The following NAALADL2 variants were observed in gnomAD, a reference collection of about 807,000 sequenced individuals.
NAALADL2 encodes the protein N-acetylated alpha-linked acidic dipeptidase like 2.
Under a neutral mutation model 87.2 loss-of-function variants are expected in NAALADL2, and 76 were observed. The ratio of observed to expected loss-of-function variants is 0.87; its 90% confidence interval spans 0.72 to 1.05. NAALADL2 has a LOEUF of 1.05. Ranked by LOEUF, NAALADL2 falls within the 50% of genes least tolerant of loss-of-function variation. NAALADL2 has a pLI of 0.00. For synonymous variants in NAALADL2, 354 were observed against 331.0 expected (o/e 1.07, Z -0.75); for missense variants, 1,089 against 945.8 (o/e 1.15, Z -1.99).
At chr3:174,453,435 C>A (rs1715619210) in intron 1 of NAALADL2, among the ~76,000 whole-genome samples, 1 of 152,106 alleles carries the variant, frequency 6.6e-6, no homozygotes, top group Non-Finnish European at 1.5e-5. Context: ...TAAAATACTT[C>A]ACAAGAAGAT....
At chr3:174,831,944 C>T (rs911172127) in intron 3 of NAALADL2, among the ~76,000 whole-genome samples, 7 of 151,456 alleles carry the variant, frequency 4.6e-5, no homozygotes, top group South Asian at 4.2e-4. Context: ...TCTGTGGGAT[C>T]GGTGGTGATA....
At chr3:175,441,698 C>G (rs1334311151) in intron 5 of NAALADL2, among the ~76,000 whole-genome samples, 2 of 151,908 alleles carry the variant, frequency 1.3e-5, no homozygotes, top group Non-Finnish European at 2.9e-5. Flanking sequence ...CACACACACA[C>G]ACACACACGA....
In NAALADL2 at chr3:175,547,281, T is replaced by A. The variant is rs374007626; in HGVS notation, c.1654-28760T>A. ...AGACTGTACACCTACAACTATCTGA[T>A]CTTCTACAAACCTGATAAAAACAAG... On this transcript the variant is annotated intron_variant, in intron 9 of 13. Coordinates refer to ENST00000454872, the MANE Select transcript of NAALADL2 (RefSeq NM_207015.3). Among the ~76,000 whole-genome samples the A allele has an allele frequency of 5.3e-5, 8 of 152,198 alleles. No homozygotes were observed. The East Asian group carries it at 9.7e-4, about 18-fold the overall frequency.
chr3:174,870,292 C>T (rs536803820), intron 1 of NAALADL2, among the ~76,000 whole-genome samples: 1 of 152,140 alleles, frequency 6.6e-6, no homozygotes, highest in Non-Finnish European at 1.5e-5. Context: ...CCAACCCATC[C>T]ACCCTTTGAA....
chr3:175,636,211 T>TGC (rs1226998951), intron 11 of NAALADL2, among the ~76,000 whole-genome samples: 1 of 151,954 alleles, frequency 6.6e-6, no homozygotes, highest in Non-Finnish European at 1.5e-5. Context: ...TGTGTGTGTG[T>TGC]GTGCGTGTGT....
chr3:174,529,561 G>A (rs1346909960), intron 1 of NAALADL2, among the ~76,000 whole-genome samples: 1 of 152,212 alleles, frequency 6.6e-6, no homozygotes, highest in Non-Finnish European at 1.5e-5. Flanking sequence ...CACTGCCCTA[G>A]CAGAGGTTCT....
At chr3:174,711,817 C>T (rs1399242172) in intron 2 of NAALADL2, among the ~76,000 whole-genome samples, 1 of 152,078 alleles carries the variant, frequency 6.6e-6, no homozygotes, top group East Asian at 1.9e-4. Context: ...TTTGTTTGTT[C>T]TTGAGAAAGT....
In NAALADL2 at chr3:175,328,514, A is replaced by T. The variant is rs149045782; in HGVS notation, c.1090+4189A>T. On this transcript the variant is annotated intron_variant, in intron 5 of 13. Coordinates refer to ENST00000454872, the MANE Select transcript of NAALADL2 (RefSeq NM_207015.3). ...GGGGAGCATCTTCTGTTTCTCAATT[A>T]TCTTCAGCTCAAAGTAATCTTGCTA... Among the ~76,000 whole-genome samples the T allele has an allele frequency of 7.4e-3, 1,129 of 152,258 alleles. 13 individuals carry two copies. Among genetic ancestry groups the T allele is most frequent in the African/African-American group, 0.026 (1,085 of 41,536 alleles).
chr3:175,735,456 C>A (rs138020542), intron 11 of NAALADL2, among the ~76,000 whole-genome samples: 330 of 152,228 alleles, frequency 2.2e-3, no homozygotes, highest in South Asian at 0.01. Context: ...TTTATTGTAT[C>A]AGTCTGCTGC....
chr3:174,706,951 A>G (rs1730129676), intron 2 of NAALADL2, among the ~76,000 whole-genome samples: 1 of 152,238 alleles, frequency 6.6e-6, no homozygotes, highest in Admixed American at 6.5e-5. Flanking sequence ...CAAATTTACA[A>G]GAGAAAAACA....
At chr3:174,796,339 C>T (rs1317065187) in intron 3 of NAALADL2, among the ~76,000 whole-genome samples, 1 of 152,008 alleles carries the variant, frequency 6.6e-6, no homozygotes, top group Non-Finnish European at 1.5e-5. Flanking sequence ...TACATTATAC[C>T]CATTAAGTAA....
chr3:174,706,715 C>A (rs560370614), intron 2 of NAALADL2, among the ~76,000 whole-genome samples: 1 of 152,184 alleles, frequency 6.6e-6, no homozygotes, highest in Non-Finnish European at 1.5e-5. Context: ...CTTGCCCATG[C>A]CTATACCCTA....
At chr3:174,837,693 C>A (rs1222645865) in intron 3 of NAALADL2, among the ~76,000 whole-genome samples, 2 of 152,032 alleles carry the variant, frequency 1.3e-5, no homozygotes, top group Non-Finnish European at 2.9e-5. Context: ...ACTCGGGAGG[C>A]TGAGGCAGGA....
intron 4 of NAALADL2, among the ~76,000 whole-genome samples, chr3:175,284,336 T>C (rs1754717364): frequency 1.3e-5 from 2 of 152,042 alleles, no homozygotes; most frequent in Admixed American, 1.3e-4. Context: ...TAATAAAACA[T>C]TCATCACCAG....
At chr3:175,690,331 A>C in intron 11 of NAALADL2, among the ~76,000 whole-genome samples, 1 of 149,728 alleles carries the variant, frequency 6.7e-6, no homozygotes, top group African/African-American at 2.4e-5. Flanking sequence ...CTGTTAAGAG[A>C]GGAGAGAAAT....
At chr3:175,281,030 T>G (rs1754230060) in intron 4 of NAALADL2, among the ~76,000 whole-genome samples, 1 of 151,872 alleles carries the variant, frequency 6.6e-6, no homozygotes, top group African/African-American at 2.4e-5. Context: ...AGGTCATTGA[T>G]GTGTACATTA....
At chr3:175,029,806 G>T (rs1752621380) in intron 1 of NAALADL2, among the ~76,000 whole-genome samples, 2 of 151,992 alleles carry the variant, frequency 1.3e-5, no homozygotes, top group South Asian at 4.1e-4. Context: ...TGTATGTTTT[G>T]TTCCCCAAGA....
At chr3:175,241,842 A>G (rs928907693) in intron 3 of NAALADL2, among the ~76,000 whole-genome samples, 15 of 134,858 alleles carry the variant, frequency 1.1e-4, no homozygotes, top group Non-Finnish European at 2.0e-4. Context: ...GTGAGAAAGT[A>G]TCTGGATGCT....
chr3:174,735,367 A>T (rs897532755), intron 2 of NAALADL2, among the ~76,000 whole-genome samples: 2 of 152,176 alleles, frequency 1.3e-5, no homozygotes, highest in Non-Finnish European at 2.9e-5. Flanking sequence ...TTCTGTTTTC[A>T]TTCTAATTTT....
Sources: allele counts gnomAD v4.1 joint callset (sites outside exome capture counted in the v4.1 genomes callset), GRCh38; gene constraint gnomAD v4.1.1; transcripts MANE v1.5; gene names NCBI Gene and HGNC (gene_info 2026-07-23, HGNC 2026-07-21).